IFT80: variants seen among roughly 807,000 people sequenced by gnomAD.
The protein encoded by IFT80 is intraflagellar transport 80.
A neutral mutation model predicts 107.9 loss-of-function variants in IFT80; 79 were observed. That is an observed-to-expected ratio of 0.73 (90% CI 0.61 to 0.88). IFT80 has a LOEUF of 0.88. Among genes scored for constraint, IFT80 ranks in the 40% least tolerant of loss-of-function variants. The pLI is 0.00. For missense variants in IFT80, 797 were observed against 914.2 expected (o/e 0.87, Z 1.65); for synonymous variants, 299 against 300.9 (o/e 0.99, Z 0.07).
chr3:160,370,044 CAGAAG>C (rs969154778), intron 5 of IFT80, among the ~76,000 whole-genome samples: 5 of 152,046 alleles, frequency 3.3e-5, no homozygotes, highest in East Asian at 3.8e-4. Context: ...TTTTAAACCA[CAGAAG>C]AGGAGACAAA....
chr3:160,324,481 A>T (rs1290735191), intron 8 of IFT80, among the ~76,000 whole-genome samples: 1 of 152,170 alleles, frequency 6.6e-6, no homozygotes, highest in Non-Finnish European at 1.5e-5. Flanking sequence ...CAATATACGC[A>T]AATCAATAAA....
Position 160,399,195 on chromosome 3 carries a change from C to A in IFT80, c.-96G>T, listed in dbSNP as rs116906137. ...GATTGCTCTCAAATACCTGGTACCT[C>A]CCCGTCACCATAGTGACTTCTAAGA... On this transcript the variant is annotated 5_prime_UTR_variant, in exon 1 of 20. Coordinates refer to ENST00000326448, the MANE Select transcript of IFT80 (RefSeq NM_020800.3). 12 of 152,334 alleles carry A rather than the reference C, an allele frequency of 7.9e-5. No homozygotes were observed. In the East Asian group the frequency reaches 2.3e-3, roughly 29 times the overall value. The allele number at this position is 152,334 out of a possible 1,614,324, so 9.4% of individuals were successfully genotyped here. A position where few individuals can be genotyped will look rare whatever the true frequency, so the allele number is the denominator to read the frequency against.
At position 160,346,995 on chromosome 3, in the gene IFT80, C is replaced by T. The variant is rs746845489; in HGVS notation, c.777+9018G>A. Among the ~76,000 whole-genome samples the T allele has an allele frequency of 4.6e-5, 7 of 152,282 alleles. No individual in the cohort carries two copies. In the South Asian group the frequency reaches 1.0e-3, roughly 23 times the overall value. ...AAAGCCCTTATTCGTTGATGCCACT[C>T]TGAGAGATTTCTAAGGCGTCAAAAC... is the stretch of plus-strand genomic sequence containing the variant. On this transcript the variant is annotated intron_variant, in intron 8 of 19. Coordinates refer to ENST00000326448, the MANE Select transcript of IFT80 (RefSeq NM_020800.3).
chr3:160,310,890 C>T (rs544536893), intron 9 of IFT80, among the ~76,000 whole-genome samples: 2 of 152,246 alleles, frequency 1.3e-5, no homozygotes, highest in South Asian at 4.2e-4. Context: ...ATTCCCAGCA[C>T]TTTGGGTGGC....
intron 16 of IFT80, among the ~76,000 whole-genome samples, chr3:160,278,485 C>T (rs1458562068): frequency 1.3e-5 from 2 of 152,170 alleles, no homozygotes; most frequent in African/African-American, 4.8e-5. Flanking sequence ...AAATCTGCTG[C>T]AGTCCACCAC....
At chr3:160,304,442 T>TC (rs1212742754) in intron 10 of IFT80, among the ~76,000 whole-genome samples, 1 of 149,994 alleles carries the variant, frequency 6.7e-6, no homozygotes, top group Non-Finnish European at 1.5e-5. Flanking sequence ...TTTCTTTTTT[T>TC]TTTTTTTTTT....
chr3:160,299,678 C>G (rs1188756416), intron 12 of IFT80, among the ~76,000 whole-genome samples: 1 of 152,098 alleles, frequency 6.6e-6, no homozygotes, highest in African/African-American at 2.4e-5. Flanking sequence ...TAAGCGCTAG[C>G]AGTATACCAA....
chr3:160,277,508 G>T, intron 17 of IFT80, 30 bp from the exon 18 acceptor site: 1 of 1,568,958 alleles, frequency 6.4e-7, no homozygotes, highest in African/African-American at 1.4e-5. Flanking sequence ...TATTGAAGTA[G>T]ATAGTAACAG....
intron 5 of IFT80, among the ~76,000 whole-genome samples, chr3:160,368,327 T>C (rs1023795829): frequency 1.6e-5 from 2 of 121,490 alleles, no homozygotes; most frequent in African/African-American, 6.4e-5. Context: ...CAATGGTTTA[T>C]ACAGGTTAGA....
chr3:160,293,740 AATCTC>A (rs1200115600), intron 12 of IFT80, among the ~76,000 whole-genome samples: 1 of 152,214 alleles, frequency 6.6e-6, no homozygotes, highest in East Asian at 1.9e-4. Flanking sequence ...CAGAAAGACC[AATCTC>A]ATGTTCAGAG....
At chr3:160,366,231 G>T in intron 5 of IFT80, 79 bp from the exon 6 acceptor site, 1 of 1,030,224 alleles carries the variant, frequency 9.7e-7, no homozygotes, top group Admixed American at 1.8e-5. Context: ...TTGTTAAGAG[G>T]ATCAAAAAAG....
chr3:160,373,306 C>T (rs1711691215), intron 5 of IFT80, among the ~76,000 whole-genome samples: 1 of 152,200 alleles, frequency 6.6e-6, no homozygotes, highest in African/African-American at 2.4e-5. Flanking sequence ...TCATTGTGAA[C>T]ATGTGCTTCC....
At chr3:160,286,233 G>A (rs1457359501) in intron 12 of IFT80, among the ~76,000 whole-genome samples, 1 of 152,142 alleles carries the variant, frequency 6.6e-6, no homozygotes, top group Non-Finnish European at 1.5e-5. Flanking sequence ...GTCCTTTGAA[G>A]GTTAACTGAA....
intron 12 of IFT80, among the ~76,000 whole-genome samples, chr3:160,291,235 T>C (rs1715527519): frequency 6.6e-6 from 1 of 152,228 alleles, no homozygotes; most frequent in Non-Finnish European, 1.5e-5. Flanking sequence ...TGACATTAAT[T>C]GAAACTGCCC....
intron 8 of IFT80, among the ~76,000 whole-genome samples, chr3:160,346,071 C>A (rs761886639): frequency 1.2e-4 from 18 of 152,032 alleles, no homozygotes; most frequent in Middle Eastern, 3.2e-3. Context: ...AAAATCAAAT[C>A]TATAAAAGTA....
At position 160,366,150 on chromosome 3, in the gene IFT80, T is replaced by G; in HGVS notation, c.442A>C (p.Thr148Pro). 6.2e-7 allele frequency: 1 copy of G among 1,606,008 alleles called. No homozygotes were observed. Among genetic ancestry groups the G allele is most frequent in the Admixed American group, 1.7e-5 (1 of 59,886 alleles). ...CCCCACGCTACTGAATACACTGGTG[T>G]TCCTGTAAGATGAAAAAAGAAAAAA... ...MLRSTLAQQGTPVYSVAWGPD... is the reference protein window; with the variant it reads ...MLRSTLAQQGPPVYSVAWGPD... Residue 148 changes from threonine (T) to proline (P), a missense_variant and splice_region_variant, in exon 6 of 20, where the codon ACA becomes CCA. Physicochemically the swap from Thr to Pro is conservative, Grantham distance 38. Coordinates refer to ENST00000326448, the MANE Select transcript of IFT80 (RefSeq NM_020800.3).
At chr3:160,333,035 T>C (rs1719196998) in intron 8 of IFT80, among the ~76,000 whole-genome samples, 1 of 152,218 alleles carries the variant, frequency 6.6e-6, no homozygotes, top group Non-Finnish European at 1.5e-5. Context: ...CTATATGGTA[T>C]AGCCTATTGC....
chr3:160,268,414 C>A lies in IFT80; in HGVS notation c.2222G>T (p.Gly741Val). ...TNKRYLHYAE[G>V]LQIDWEKIKA... ...TATACAAAATTGTGAAATACTTACA[C>A]CTTCTGCATAATGCAAGTATCGTTT... Residue 741 changes from glycine to valine, a missense_variant and splice_region_variant, in exon 19 of 20, where the codon GGT becomes GTT. Transcript: ENST00000326448. 6.2e-7 allele frequency: 1 copy of A among 1,611,580 alleles called. No individual in the cohort carries two copies. The highest frequency in any genetic ancestry group is 8.5e-7 in the Non-Finnish European group (1 of 1,177,892).
At chr3:160,307,545 G>A in intron 10 of IFT80, 118 bp downstream of exon 10, 1 of 749,582 alleles carries the variant, frequency 1.3e-6, no homozygotes, top group Non-Finnish European at 2.4e-6. Context: ...GTTCAGGATA[G>A]CTGAGGTTTT....
Sources: allele counts gnomAD v4.1 joint callset (sites outside exome capture counted in the v4.1 genomes callset), GRCh38; gene constraint gnomAD v4.1.1; transcripts MANE v1.5; gene names NCBI Gene and HGNC (gene_info 2026-07-23, HGNC 2026-07-21).